The following RYR2 variants were observed in gnomAD, a reference collection of about 807,000 sequenced individuals.
RYR2 encodes the protein ryanodine receptor 2.
A neutral mutation model predicts 601.1 loss-of-function variants in RYR2; 227 were observed. The ratio of observed to expected loss-of-function variants is 0.38; its 90% CI spans 0.34 to 0.42. The LOEUF (loss-of-function observed/expected upper bound fraction) is 0.42. Among genes scored for constraint, RYR2 ranks in the 10% least tolerant of loss-of-function variants. RYR2 has a pLI of 1.00. For synonymous variants in RYR2, 2,223 were observed against 2,175.1 expected (o/e 1.02, Z -0.61); for missense variants, 4,646 against 6,156.5 (o/e 0.75, Z 8.21).
At chr1:237,303,292 CTTTTTTTT>C (rs386370109) in intron 2 of RYR2, among the ~76,000 whole-genome samples, 6 of 85,252 alleles carry the variant, frequency 7.0e-5, no homozygotes, top group East Asian at 7.8e-4. Flanking sequence ...CTGCGGTTAT[CTTTTTTTT>C]TTTTTTTTTT....
Position 237,751,441 on chromosome 1 carries a change from A to C in RYR2, c.11146-4847A>C, listed in dbSNP as rs1340827831. 2.6e-5 allele frequency among the ~76,000 whole-genome samples: 4 copies of C among 152,176 alleles called. No individual in the cohort carries two copies. The East Asian group carries it at 7.7e-4, about 29-fold the overall frequency. On this transcript the variant is annotated intron_variant, in intron 80 of 104. Transcript: ENST00000366574. ...GTTATACCTTGTTAATTAAGCTTTCAGTGGTATAGTGTAAATTGTGTCAAC... is the reference window on the plus strand; with the variant it reads ...GTTATACCTTGTTAATTAAGCTTTCCGTGGTATAGTGTAAATTGTGTCAAC...
At chr1:237,379,264 G>C (rs1195012155) in intron 8 of RYR2, among the ~76,000 whole-genome samples, 1 of 152,150 alleles carries the variant, frequency 6.6e-6, no homozygotes, top group East Asian at 1.9e-4. Context: ...CTACGTATCA[G>C]AGTTTATTTG....
chr1:237,530,168 G>A (rs1488260820), intron 24 of RYR2, among the ~76,000 whole-genome samples: 3 of 151,952 alleles, frequency 2.0e-5, no homozygotes, highest in Admixed American at 6.6e-5. Flanking sequence ...AAAATTAGCC[G>A]GGTGTGGTGG....
intron 3 of RYR2, among the ~76,000 whole-genome samples, chr1:237,336,979 G>T (rs1697303841): frequency 6.6e-6 from 1 of 151,904 alleles, no homozygotes; most frequent in Non-Finnish European, 1.5e-5. Flanking sequence ...GGCTGGGCAC[G>T]GTGGCTCACA....
intron 1 of RYR2, among the ~76,000 whole-genome samples, chr1:237,077,848 T>G: frequency 6.7e-6 from 1 of 149,092 alleles, no homozygotes; most frequent in African/African-American, 2.4e-5. Context: ...ACACCACACC[T>G]ATTCCAAAAT....
intron 71 of RYR2, among the ~76,000 whole-genome samples, chr1:237,715,219 G>A (rs1364179707): frequency 6.6e-6 from 1 of 152,170 alleles, no homozygotes; most frequent in Non-Finnish European, 1.5e-5. Flanking sequence ...AAGGCACAGT[G>A]CGTGGCTTTG....
intron 1 of RYR2, among the ~76,000 whole-genome samples, chr1:237,264,805 C>T (rs964982660): frequency 1.3e-5 from 2 of 151,648 alleles, no homozygotes; most frequent in East Asian, 1.9e-4. Flanking sequence ...AAGCAATTCT[C>T]CTGCCTCAGC....
chr1:237,364,243 G>T, intron 4 of RYR2, 115 bp from the exon 5 acceptor site: 3 of 856,156 alleles, frequency 3.5e-6, no homozygotes, highest in East Asian at 3.0e-5. Flanking sequence ...TATGTTTATT[G>T]TTTACATAGC....
At chr1:237,103,136 AG>A (rs1352851081) in intron 1 of RYR2, among the ~76,000 whole-genome samples, 3 of 152,210 alleles carry the variant, frequency 2.0e-5, no homozygotes, top group African/African-American at 7.2e-5. Context: ...TGGATGTCTG[AG>A]GCCAGTAGGA....
intron 25 of RYR2, among the ~76,000 whole-genome samples, chr1:237,540,592 A>G (rs1572788463): frequency 6.6e-6 from 1 of 152,092 alleles, no homozygotes; most frequent in Admixed American, 6.6e-5. Flanking sequence ...CTGTAATCCC[A>G]GCTACTTGGG....
At chr1:237,269,033 T>G (rs1689400444) in intron 1 of RYR2, among the ~76,000 whole-genome samples, 1 of 124,976 alleles carries the variant, frequency 8.0e-6, no homozygotes, top group African/African-American at 3.0e-5. Flanking sequence ...CCAATTTATA[T>G]AGCATATTCT....
intron 2 of RYR2, among the ~76,000 whole-genome samples, chr1:237,321,176 T>C (rs1326034766): frequency 3.3e-5 from 5 of 152,000 alleles, no homozygotes; most frequent in Non-Finnish European, 7.4e-5. Flanking sequence ...GTGGGGATAA[T>C]AATACTTATT....
chr1:237,238,561 G>T (rs1052119944), intron 1 of RYR2, among the ~76,000 whole-genome samples: 7 of 152,262 alleles, frequency 4.6e-5, no homozygotes, highest in Non-Finnish European at 8.8e-5. Flanking sequence ...GCTTGACTCT[G>T]CTAACATAAT....
intron 1 of RYR2, among the ~76,000 whole-genome samples, chr1:237,122,164 C>T (rs916202412): frequency 2.0e-5 from 3 of 152,130 alleles, no homozygotes; most frequent in Non-Finnish European, 4.4e-5. Flanking sequence ...GGTTGGAGGC[C>T]GGGGATGCCG....
chr1:237,781,092 G>T (rs759475161), intron 88 of RYR2, among the ~76,000 whole-genome samples: 1 of 151,662 alleles, frequency 6.6e-6, no homozygotes, highest in Non-Finnish European at 1.5e-5. Context: ...TCTGTCACCC[G>T]GGCTGGAGTG....
rs1370332230 is a variant in RYR2 at position 237,467,209 on chromosome 1, T to C, written c.1613-1883T>C. Among the ~76,000 whole-genome samples the C allele has an allele frequency of 4.1e-5, 6 of 148,092 alleles. No homozygotes were observed. The East Asian group carries it at 1.2e-3, about 29-fold the overall frequency. On this transcript the variant is annotated intron_variant, in intron 16 of 104. Transcript: ENST00000366574. ...ATATATATACCTATATAATTTTAGA[T>C]AATACAATAGTTTATATATAATTTT... is the stretch of plus-strand genomic sequence containing the variant.
chr1:237,723,124 G>A lies in RYR2; in HGVS notation c.10555-4G>A, dbSNP rs1309517155. On this transcript the variant is annotated splice_region_variant and splice_polypyrimidine_tract_variant and intron_variant, in intron 73 of 104. Coordinates refer to ENST00000366574, the MANE Select transcript of RYR2 (RefSeq NM_001035.3). ...CCATTGTAACCTTTTCCTTTTTTCTGCAGTTGGAGGATCCTGCTATTAGAT... is the reference window on the plus strand; with the variant it reads ...CCATTGTAACCTTTTCCTTTTTTCTACAGTTGGAGGATCCTGCTATTAGAT... The A allele has an allele frequency of 6.3e-7, 1 of 1,596,968 alleles. No individual in the cohort carries two copies. The highest frequency in any genetic ancestry group is 8.5e-7 in the Non-Finnish European group (1 of 1,174,530).
At chr1:237,217,378 C>G (rs896298213) in intron 1 of RYR2, among the ~76,000 whole-genome samples, 3 of 150,970 alleles carry the variant, frequency 2.0e-5, no homozygotes, top group African/African-American at 7.3e-5. Flanking sequence ...CCTAAAGTGA[C>G]CATAGGAATA....
rs929570268 is a variant in RYR2, at chr1:237,499,635, C to A, written c.2204-1076C>A. Among the ~76,000 whole-genome samples, 5 of 151,100 alleles carry A rather than the reference C, an allele frequency of 3.3e-5. No individual in the cohort carries two copies. In the South Asian group the frequency reaches 6.3e-4, roughly 19 times the overall value. ...GAGACACTTGATAGTGAATTTATTG[C>A]CTGTGGATTTGAATATTGGTAAAAT... On this transcript the variant is annotated intron_variant, in intron 20 of 104. Transcript: ENST00000366574.
Sources: allele counts gnomAD v4.1 joint callset (sites outside exome capture counted in the v4.1 genomes callset), GRCh38; gene constraint gnomAD v4.1.1; transcripts MANE v1.5; gene names NCBI Gene and HGNC (gene_info 2026-07-23, HGNC 2026-07-21).